The following SPOCK1 variants were observed in gnomAD, a reference collection of about 807,000 sequenced individuals.
The protein encoded by SPOCK1 is SPARC (osteonectin), cwcv and kazal like domains proteoglycan 1.
Under a neutral mutation model 55.3 loss-of-function variants are expected in SPOCK1, and 23 were observed. The observed-to-expected ratio is 0.42, with a 90% CI of 0.30 to 0.59. The LOEUF (loss-of-function observed/expected upper bound fraction) is 0.59, where lower values mean the gene tolerates loss of function less well. Ranked by LOEUF, SPOCK1 falls within the 20% of genes least tolerant of loss-of-function variation. The pLI is 0.22. For synonymous variants in SPOCK1, 226 were observed against 221.0 expected (o/e 1.02, Z -0.20); for missense variants, 499 against 552.5 (o/e 0.90, Z 0.97).
chr5:137,202,035 C>A (rs964420705), intron 3 of SPOCK1, among the ~76,000 whole-genome samples: 32 of 152,332 alleles, frequency 2.1e-4, no homozygotes, highest in African/African-American at 7.0e-4. Flanking sequence ...ACATTCCAAC[C>A]TACAGGGGTG....
chr5:137,235,037 G>A (rs999741946), intron 3 of SPOCK1, among the ~76,000 whole-genome samples: 1 of 152,186 alleles, frequency 6.6e-6, no homozygotes, highest in Non-Finnish European at 1.5e-5. Flanking sequence ...AAAACCAAGT[G>A]CATGCTTTGT....
intron 2 of SPOCK1, among the ~76,000 whole-genome samples, chr5:137,347,871 C>T (rs1750594547): frequency 6.6e-6 from 1 of 152,204 alleles, no homozygotes; most frequent in African/African-American, 2.4e-5. Flanking sequence ...CCTTCCTGAG[C>T]ATTTTCACAC....
intron 2 of SPOCK1, among the ~76,000 whole-genome samples, chr5:137,355,101 C>T (rs1336223136): frequency 6.6e-6 from 1 of 152,048 alleles, no homozygotes; most frequent in African/African-American, 2.4e-5. Flanking sequence ...TGGGGTTTCA[C>T]CATGTTGCCC....
intron 3 of SPOCK1, among the ~76,000 whole-genome samples, chr5:137,224,123 A>G (rs10054991): frequency 0.17 from 25,886 of 152,266 alleles, 2,504 homozygotes; most frequent in South Asian, 0.27. Flanking sequence ...AGCATAGCTC[A>G]GCACTGTTTG....
At chr5:136,982,391 A>T (rs1446995920) in intron 9 of SPOCK1, among the ~76,000 whole-genome samples, 3 of 152,176 alleles carry the variant, frequency 2.0e-5, no homozygotes, top group Non-Finnish European at 1.5e-5. Context: ...AATGTGTTTG[A>T]CCTGTTCACA....
At chr5:137,071,285 T>C (rs1000776148) in intron 5 of SPOCK1, among the ~76,000 whole-genome samples, 3 of 152,152 alleles carry the variant, frequency 2.0e-5, no homozygotes, top group African/African-American at 7.2e-5. Context: ...AGAGCCATCA[T>C]ATCCAGCCAT....
chr5:137,066,963 TACAC>T (rs147918575), intron 6 of SPOCK1, among the ~76,000 whole-genome samples: 69 of 126,356 alleles, frequency 5.5e-4, no homozygotes, highest in African/African-American at 1.8e-3. Context: ...AACATAAGCA[TACAC>T]ACACACACAC....
intron 4 of SPOCK1, among the ~76,000 whole-genome samples, chr5:137,114,549 A>T (rs1054530778): frequency 2.0e-5 from 3 of 152,212 alleles, no homozygotes; most frequent in African/African-American, 7.2e-5. Context: ...TTACATGGGC[A>T]TGAGGCCTCC....
chr5:137,262,387 T>C (rs1247286670), intron 3 of SPOCK1, among the ~76,000 whole-genome samples: 3 of 152,312 alleles, frequency 2.0e-5, no homozygotes, highest in Admixed American at 2.0e-4. Context: ...GGCCAAGGCA[T>C]AGCAAAAAAC....
chr5:137,445,908 T>C (rs1037342813), intron 2 of SPOCK1, among the ~76,000 whole-genome samples: 2 of 152,220 alleles, frequency 1.3e-5, no homozygotes, highest in Admixed American at 1.3e-4. Flanking sequence ...GATATAGTTT[T>C]CTAAATTCCA....
intron 2 of SPOCK1, among the ~76,000 whole-genome samples, chr5:137,346,400 C>T (rs1223164663): frequency 6.6e-6 from 1 of 152,186 alleles, no homozygotes; most frequent in Non-Finnish European, 1.5e-5. Context: ...CTCAACTCTG[C>T]ATTGTCTGAC....
At chr5:136,994,124 A>C (rs911192142) in intron 6 of SPOCK1, among the ~76,000 whole-genome samples, 1 of 152,138 alleles carries the variant, frequency 6.6e-6, no homozygotes, top group Non-Finnish European at 1.5e-5. Flanking sequence ...GGGGACTCTC[A>C]TTTACGACGC....
chr5:137,441,309 G>C (rs563506312), intron 2 of SPOCK1, among the ~76,000 whole-genome samples: 13 of 152,328 alleles, frequency 8.5e-5, no homozygotes, highest in Admixed American at 1.3e-4. Flanking sequence ...ATGAGGCAGA[G>C]GGCCACTGCC....
chr5:137,322,128 C>T (rs377235362), intron 2 of SPOCK1, among the ~76,000 whole-genome samples: 8 of 151,702 alleles, frequency 5.3e-5, no homozygotes, highest in African/African-American at 1.2e-4. Context: ...CCCAGGAGTT[C>T]GAGACCAGCC....
At chr5:137,121,277 C>G (rs1366416754) in intron 4 of SPOCK1, among the ~76,000 whole-genome samples, 1 of 152,098 alleles carries the variant, frequency 6.6e-6, no homozygotes, top group African/African-American at 2.4e-5. Context: ...GTTACCTTAA[C>G]TGTTTTTGCT....
chr5:137,143,480 T>G (rs952511599), intron 3 of SPOCK1, among the ~76,000 whole-genome samples: 4 of 152,192 alleles, frequency 2.6e-5, no homozygotes, highest in African/African-American at 9.7e-5. Context: ...GAGTAGCTTC[T>G]GGGACTGAAC....
At chr5:137,187,935 G>A (rs988384839) in intron 3 of SPOCK1, among the ~76,000 whole-genome samples, 1 of 152,210 alleles carries the variant, frequency 6.6e-6, no homozygotes, top group Non-Finnish European at 1.5e-5. Flanking sequence ...GCATAAATTA[G>A]TGGAAGTAAC....
At chr5:137,299,600 T>G (rs1757547882) in intron 2 of SPOCK1, among the ~76,000 whole-genome samples, 1 of 152,122 alleles carries the variant, frequency 6.6e-6, no homozygotes, top group East Asian at 1.9e-4. Context: ...GTGAAAAATT[T>G]TCTGCTTTTA....
At chr5:137,358,916 T>C (rs989045344) in intron 2 of SPOCK1, among the ~76,000 whole-genome samples, 3 of 151,768 alleles carry the variant, frequency 2.0e-5, no homozygotes, top group African/African-American at 4.8e-5. Context: ...TAATAGGCAC[T>C]TTTGGATGGT....
Sources: allele counts gnomAD v4.1 joint callset (sites outside exome capture counted in the v4.1 genomes callset), GRCh38; gene constraint gnomAD v4.1.1; transcripts MANE v1.5; gene names NCBI Gene and HGNC (gene_info 2026-07-23, HGNC 2026-07-21).